Variants in ITGB3BP observed in about 807,000 individuals in gnomAD.
The protein encoded by ITGB3BP is integrin subunit beta 3 binding protein, also known as centromere protein R.
ITGB3BP carries 27 observed loss-of-function variants against 29.1 expected under a neutral mutation model. That is an observed-to-expected ratio of 0.93 (90% CI 0.68 to 1.28). ITGB3BP has a LOEUF of 1.28. ITGB3BP is among the 50% of genes most tolerant of loss of function. ITGB3BP has a pLI of 0.00. For synonymous variants in ITGB3BP, 61 were observed against 61.4 expected, an observed-to-expected ratio of 0.99 and a Z score of 0.03; for missense variants, 192 against 200.2, an observed-to-expected ratio of 0.96 and a Z score of 0.25.
Position 63,454,240 on chromosome 1 carries a change from C to A in ITGB3BP, c.427+140G>T. On this transcript the variant is annotated intron_variant, in intron 6 of 8. Transcript: ENST00000271002. This position sits in a 1 kb window ranked among gnomAD's most constrained non-coding sequence, Gnocchi z 4.1. ...ACACATCCTGATAAAAGACATGTGG[C>A]TTCTTATTTAAAGAAGGTAATAGTA... 1 of 504,202 alleles carries A rather than the reference C, an allele frequency of 2.0e-6. No individual in the cohort carries two copies. The allele number at this position is 504,202 out of a possible 1,614,324, so 31.2% of individuals were successfully genotyped here.
At chr1:63,490,281 T>C (rs2100676595) in intron 2 of ITGB3BP, 63 bp from the exon 3 acceptor site, 7 of 1,210,022 alleles carry the variant, frequency 5.8e-6, no homozygotes, top group South Asian at 1.4e-5. Flanking sequence ...TTTGAAATTA[T>C]ATACCATTAA....
intron 1 of ITGB3BP, among the ~76,000 whole-genome samples, chr1:63,516,546 CA>C (rs1646332758): frequency 6.6e-6 from 1 of 150,852 alleles, no homozygotes; most frequent in Non-Finnish European, 1.5e-5. Flanking sequence ...TCTGTCTTTA[CA>C]AAAAAATTAA....
chr1:63,500,991 C>A (rs905802231), intron 2 of ITGB3BP, among the ~76,000 whole-genome samples: 1 of 152,138 alleles, frequency 6.6e-6, no homozygotes, highest in Non-Finnish European at 1.5e-5. Context: ...TCTGGGAATT[C>A]TGAAATAAAT....
At chr1:63,518,310 A>T (rs1646379409) in intron 1 of ITGB3BP, among the ~76,000 whole-genome samples, 1 of 152,098 alleles carries the variant, frequency 6.6e-6, no homozygotes, top group African/African-American at 2.4e-5. Context: ...TTAATTATGC[A>T]GATTTTCTGT....
intron 3 of ITGB3BP, among the ~76,000 whole-genome samples, chr1:63,483,321 T>C (rs181975061): frequency 7.2e-4 from 109 of 152,318 alleles, no homozygotes; most frequent in African/African-American, 2.5e-3. Context: ...ACAGGTAAGA[T>C]ATTTGACTAG....
chr1:63,467,835 A>G (rs1248802364), intron 4 of ITGB3BP, among the ~76,000 whole-genome samples: 1 of 152,200 alleles, frequency 6.6e-6, no homozygotes. Flanking sequence ...CCAAATGTCA[A>G]CAGTGCTGAG....
At chr1:63,479,244 A>G (rs554160207) in intron 3 of ITGB3BP, among the ~76,000 whole-genome samples, 2 of 152,278 alleles carry the variant, frequency 1.3e-5, no homozygotes, top group Admixed American at 1.3e-4. Flanking sequence ...GGGATTGGTG[A>G]TACCGATACT....
chr1:63,513,914 G>A (rs1570323467), intron 1 of ITGB3BP, among the ~76,000 whole-genome samples: 1 of 152,210 alleles, frequency 6.6e-6, no homozygotes, highest in Non-Finnish European at 1.5e-5. Flanking sequence ...CATATAGCAA[G>A]CAGCACAAAT....
At chr1:63,453,890 T>C (rs1163395192) in intron 7 of ITGB3BP, 28 bp downstream of exon 7, 8 of 1,362,878 alleles carry the variant, frequency 5.9e-6, no homozygotes, top group Middle Eastern at 1.8e-4. Context: ...AGCATCTTTA[T>C]GTAATAAACT....
At chr1:63,518,550 T>C (rs1391402140) in intron 1 of ITGB3BP, among the ~76,000 whole-genome samples, 2 of 151,584 alleles carry the variant, frequency 1.3e-5, no homozygotes, top group Non-Finnish European at 2.9e-5. Context: ...GTTTCTCTCC[T>C]GTTAGACTGT....
chr1:63,505,490 GTT>G (rs1347703349), intron 2 of ITGB3BP, among the ~76,000 whole-genome samples: 4 of 151,934 alleles, frequency 2.6e-5, no homozygotes, highest in Non-Finnish European at 4.4e-5. Context: ...TTTTTGAAGG[GTT>G]TTTTGTGTCT....
chr1:63,484,372 A>C (rs1645490788), intron 3 of ITGB3BP, among the ~76,000 whole-genome samples: 1 of 152,114 alleles, frequency 6.6e-6, no homozygotes, highest in Admixed American at 6.5e-5. Flanking sequence ...GGAAGGGACG[A>C]CTGTATAAAG....
At chr1:63,444,019 C>T (rs1644759823) in intron 8 of ITGB3BP, among the ~76,000 whole-genome samples, 1 of 152,084 alleles carries the variant, frequency 6.6e-6, no homozygotes. Context: ...GAGATGAAAA[C>T]ATGGTGAAAG....
At chr1:63,458,115 G>C (rs1258102232) in intron 4 of ITGB3BP, 1 of 152,020 alleles carries the variant, frequency 6.6e-6, no homozygotes, top group African/African-American at 2.4e-5. Context: ...ACTGAAATTA[G>C]GTGCATCAGC....
intron 7 of ITGB3BP, chr1:63,447,694 G>A (rs1644805955): frequency 6.6e-6 from 3 of 456,210 alleles, no homozygotes; most frequent in South Asian, 4.7e-5. Flanking sequence ...TGCTGGAGAG[G>A]ATGTGGAGAA....
At chr1:63,467,150 T>A (rs531219346) in intron 4 of ITGB3BP, among the ~76,000 whole-genome samples, 1 of 152,284 alleles carries the variant, frequency 6.6e-6, no homozygotes, top group South Asian at 2.1e-4. Context: ...CCTAAAGTCC[T>A]GGGATTACAG....
At chr1:63,463,519 G>T (rs766181250) in intron 4 of ITGB3BP, among the ~76,000 whole-genome samples, 5 of 152,128 alleles carry the variant, frequency 3.3e-5, no homozygotes, top group Non-Finnish European at 7.4e-5. Flanking sequence ...CAATACACAT[G>T]ATGTCTCTGT....
At chr1:63,449,527 G>A (rs1644834273) in intron 7 of ITGB3BP, 1 of 152,170 alleles carries the variant, frequency 6.6e-6, no homozygotes, top group East Asian at 1.9e-4. Context: ...ATTTTTAGCA[G>A]CTGAAATGCA....
chr1:63,466,767 A>C (rs181904454), intron 4 of ITGB3BP, among the ~76,000 whole-genome samples: 68 of 152,370 alleles, frequency 4.5e-4, no homozygotes, highest in African/African-American at 1.6e-3. Flanking sequence ...GACTAGTTTT[A>C]ACAGACAAAA....
Sources: gnomAD v4.1 joint callset for allele counts (sites outside exome capture counted in the v4.1 genomes callset) on GRCh38, gnomAD v4.1.1 for gene constraint, Gnocchi (gnomAD v3.1) non-coding constraint, MANE v1.5 for transcripts, NCBI Gene and HGNC (gene_info 2026-07-23, HGNC 2026-07-21) for gene names.